ZNF311: variants seen among roughly 807,000 people sequenced by gnomAD.
ZNF311 encodes zinc finger protein 311, also known as zinc finger protein zfp31.
A neutral mutation model predicts 22.7 loss-of-function variants in ZNF311; 14 were observed. That is an observed-to-expected ratio of 0.62 (90% CI 0.41 to 0.96). The LOEUF (loss-of-function observed/expected upper bound fraction) is 0.96, where lower values mean the gene tolerates loss of function less well. Ranked by LOEUF, ZNF311 falls within the 40% of genes least tolerant of loss-of-function variation. The pLI is 0.00. For missense variants in ZNF311, 731 were observed against 799.0 expected, an observed-to-expected ratio of 0.91 and a Z score of 1.03; for synonymous variants, 250 against 275.3, an observed-to-expected ratio of 0.91 and a Z score of 0.91.
In ZNF311 at chr6:28,995,286, C is replaced by G. The variant is rs1779318499; in HGVS notation, c.1716G>C (p.Gln572His). 1 of 1,613,742 alleles carries G rather than the reference C, an allele frequency of 6.2e-7. No individual in the cohort carries two copies. The highest frequency in any genetic ancestry group is 8.5e-7 in the Non-Finnish European group (1 of 1,180,004). The change falls in exon 7 of 7, where the codon CAG (glutamine) becomes CAC (histidine). Residue 572 changes from glutamine to histidine, a missense_variant. Physicochemically the swap from Gln to His is conservative, Grantham distance 24 (BLOSUM62 0). Transcript: ENST00000377179. This position sits in a 1 kb window ranked among gnomAD's most constrained non-coding sequence, Gnocchi z 4.7. ...MAFHHSSVLR[Q>H]HKRIHTGEKP... ...TCTCACCAGTGTGGATTCTTTTGTGCTGCCTCAGGACTGAACTATGATGGA... is the reference window on the plus strand; with the variant it reads ...TCTCACCAGTGTGGATTCTTTTGTGGTGCCTCAGGACTGAACTATGATGGA...
chr6:29,000,206 T>A (rs909881527), intron 3 of ZNF311, among the ~76,000 whole-genome samples, 159 bp from the exon 4 acceptor site: 2 of 152,154 alleles, frequency 1.3e-5, no homozygotes, highest in African/African-American at 4.8e-5. Flanking sequence ...ATTTTTCTAG[T>A]CTCAACTTCC....
chr6:29,002,779 C>T (rs1025988036), intron 3 of ZNF311, among the ~76,000 whole-genome samples: 2 of 152,170 alleles, frequency 1.3e-5, no homozygotes, highest in African/African-American at 2.4e-5. Flanking sequence ...TTACACCACA[C>T]CTGGCTAATT....
chr6:29,003,890 G>A, intron 2 of ZNF311, 56 bp downstream of exon 2: 1 of 1,612,680 alleles, frequency 6.2e-7, no homozygotes, highest in Non-Finnish European at 8.5e-7. Flanking sequence ...CTTCTTTCTT[G>A]GACTCACTTC....
At position 28,995,003 on chromosome 6, in the gene ZNF311, A is replaced by T; in HGVS notation, c.1999T>A (p.Ter667ArgextTer2). 1 of 1,600,394 alleles carries T rather than the reference A, an allele frequency of 6.2e-7. No homozygotes were observed. The highest frequency in any genetic ancestry group is 1.7e-4 in the Middle Eastern group (1 of 5,970). The change falls in exon 7 of 7, where the codon TGA (stop) becomes AGA (arginine). Residue 667 changes from the stop codon to arginine (R), a stop_lost. Coordinates refer to ENST00000377179, the MANE Select transcript of ZNF311 (RefSeq NM_001382360.1). The surrounding 1 kb of genome is among the most constrained non-coding windows in gnomAD (Gnocchi z 4.7). ...AAGTAACACCAGAATCGTTATACTC[A>T]GGCACTGGTCAAAATACTGACTACT... Reference protein sequence around the residue: ...TSVVSILTSA* With the variant: ...TSVVSILTSAR
At chr6:28,999,872 C>T (rs556041821) in intron 4 of ZNF311, 84 bp downstream of exon 4, 2 of 1,434,394 alleles carry the variant, frequency 1.4e-6, no homozygotes, top group East Asian at 4.8e-5. Context: ...AGGAGTTGCA[C>T]AGCCAGAGAA....
chr6:29,004,943 T>C (rs1780988941), intron 1 of ZNF311, 65 bp downstream of exon 1: 1 of 152,142 alleles, frequency 6.6e-6, no homozygotes. Flanking sequence ...CCCAAGGAGG[T>C]CTACTCTGAG....
intron 1 of ZNF311, among the ~76,000 whole-genome samples, 154 bp downstream of exon 1, chr6:29,004,854 T>C (rs1228990754): frequency 6.6e-6 from 1 of 152,134 alleles, no homozygotes; most frequent in African/African-American, 2.4e-5. Flanking sequence ...GGCCTTTCCA[T>C]TGGCTGCTCC....
Position 28,994,880 on chromosome 6 carries a change from G to A in ZNF311, c.*121C>T. 4.4e-6 allele frequency: 5 copies of A among 1,149,108 alleles called. No individual in the cohort carries two copies. The highest frequency in any genetic ancestry group is 5.9e-6 in the Non-Finnish European group (5 of 842,294). 71.2% of individuals were successfully genotyped at this position (1,149,108 alleles called of 1,614,324 possible). On this transcript the variant is annotated 3_prime_UTR_variant, in exon 7 of 7. Transcript: ENST00000377179. ...AAAAATAGTGAATAAGAAGGTAAAG[G>A]ACAATGTCTTTGGGGAATCTCACAA...
rs757502622 is a variant in ZNF311, at chr6:28,995,594, G to A, written c.1408C>T (p.Arg470Cys). The change falls in exon 7 of 7, where the codon CGT (arginine) becomes TGT (cysteine). Residue 470 changes from arginine to cysteine, a missense_variant. Arg to Cys is a radical substitution (Grantham distance 180). Transcript: ENST00000377179. The surrounding 1 kb of genome is among the most constrained non-coding windows in gnomAD (Gnocchi z 4.7). Reference sequence around the variant, plus strand: ...TTCCCACACTCCTCACACCTGTAACGTTTCTCTTCAGTGTGGATCCTTCTG... The same window carrying A: ...TTCCCACACTCCTCACACCTGTAACATTTCTCTTCAGTGTGGATCCTTCTG... ...KHRRIHTEEK[R>C]YRCEECGKAF... is the part of the protein sequence containing the mutation. 3.7e-6 allele frequency: 6 copies of A among 1,613,638 alleles called. No homozygotes were observed. Among genetic ancestry groups the A allele is most frequent in the South Asian group, 1.1e-5 (1 of 91,082 alleles).
intron 2 of ZNF311, 122 bp from the exon 3 acceptor site, chr6:29,003,716 G>A (rs1263276438): frequency 1.4e-6 from 2 of 1,423,612 alleles, no homozygotes; most frequent in Middle Eastern, 2.0e-4. Flanking sequence ...CAAAAGAAGG[G>A]AGAAAATAAT....
At chr6:28,999,298 A>T (rs543584095) in intron 5 of ZNF311, among the ~76,000 whole-genome samples, 189 bp downstream of exon 5, 1 of 152,242 alleles carries the variant, frequency 6.6e-6, no homozygotes, top group East Asian at 1.9e-4. Flanking sequence ...AGAAAACAGC[A>T]ACTAGGTTAG....
chr6:29,002,688 T>G (rs1218974692), intron 3 of ZNF311, among the ~76,000 whole-genome samples: 1 of 151,132 alleles, frequency 6.6e-6, no homozygotes, highest in African/African-American at 2.4e-5. Context: ...TGGCATGATC[T>G]CAGCTCACTG....
intron 3 of ZNF311, 44 bp downstream of exon 3, chr6:29,003,469 T>C: frequency 3.1e-6 from 5 of 1,593,364 alleles, no homozygotes; most frequent in Non-Finnish European, 4.3e-6. Flanking sequence ...CTTACTACAT[T>C]CTCAGCTGCC....
At position 28,995,057 on chromosome 6, in the gene ZNF311, G is replaced by C; in HGVS notation, c.1945C>G (p.Leu649Val). Residue 649 changes from leucine to valine, a missense_variant, in exon 7 of 7, where the codon CTC (leucine) becomes GTC (valine). Physicochemically the swap from Leu to Val is conservative, Grantham distance 32. Transcript: ENST00000377179. The surrounding 1 kb of genome is among the most constrained non-coding windows in gnomAD (Gnocchi z 4.7). ...GTCTGAGAAACAGTCACTGGAGAGA[G>C]GGATTTCCTACTCCCATCAAGTTCA... ...THELDGSRKS[L>V]SPVTVSQTSV... 5.6e-6 allele frequency: 9 copies of C among 1,613,378 alleles called. No individual in the cohort carries two copies. Among genetic ancestry groups the C allele is most frequent in the Non-Finnish European group, 7.6e-6 (9 of 1,179,992 alleles).
At chr6:29,000,121 C>T (rs1290505729) in intron 3 of ZNF311, 74 bp from the exon 4 acceptor site, 2 of 1,398,106 alleles carry the variant, frequency 1.4e-6, no homozygotes, top group African/African-American at 2.8e-5. Flanking sequence ...GTCTTCTCTT[C>T]CTCAAATGTA....
chr6:28,997,800 A>G (rs1779834341), intron 6 of ZNF311, among the ~76,000 whole-genome samples: 1 of 152,214 alleles, frequency 6.6e-6, no homozygotes, highest in South Asian at 2.1e-4. Flanking sequence ...TGGGAGGATG[A>G]CTTCACTTCT....
In ZNF311 at chr6:29,003,529, C is replaced by G. The variant is rs1705722890; in HGVS notation, c.75G>C (p.Gln25His). 1.2e-6 allele frequency: 2 copies of G among 1,612,956 alleles called. No individual in the cohort carries two copies. The highest frequency in any genetic ancestry group is 1.7e-5 in the Admixed American group (1 of 60,004). The change falls in exon 3 of 7, where the codon CAG becomes CAC. Residue 25 changes from glutamine (Q) to histidine (H), a missense_variant. Gln to His is a conservative substitution (Grantham distance 24). Transcript: ENST00000377179. ...GTATCTCACCGCTTTCCTGAGGGAG[C>G]TGGGTATCCTGGCGGGTCCAAAGCA... ...SQLLWTRQDT[Q>H]LPQESALLPA...
rs773144712 is a variant in ZNF311 at position 28,996,371 on chromosome 6, C to T, written c.631G>A (p.Glu211Lys). Residue 211 changes from glutamate (E) to lysine (K), a missense_variant, in exon 7 of 7, where the codon GAG (glutamate) becomes AAG (lysine). Physicochemically the swap from Glu to Lys is moderately conservative, Grantham distance 56 (BLOSUM62 1). Transcript: ENST00000377179. Reference protein sequence around the residue: ...EKLREEKEGSEEVTCKKGKNQ... With the variant: ...EKLREEKEGSKEVTCKKGKNQ... ...TTTCCTTTTTTGCAGGTCACTTCCT[C>T]AGAGCCTTCTTTCTCTTCTCTCAGT... The T allele has an allele frequency of 1.9e-6, 3 of 1,611,694 alleles. No individual in the cohort carries two copies. The highest frequency in any genetic ancestry group is 2.2e-5 in the South Asian group (2 of 91,010).
intron 3 of ZNF311, among the ~76,000 whole-genome samples, chr6:29,002,362 AT>A (rs1328756041): frequency 6.6e-6 from 1 of 152,168 alleles, no homozygotes; most frequent in Non-Finnish European, 1.5e-5. Flanking sequence ...TTCTAAATCT[AT>A]AAAAAATTTA....
Sources: allele counts gnomAD v4.1 joint callset (sites outside exome capture counted in the v4.1 genomes callset), GRCh38; gene constraint gnomAD v4.1.1; non-coding constraint Gnocchi (gnomAD v3.1); transcripts MANE v1.5; gene names NCBI Gene and HGNC (gene_info 2026-07-23, HGNC 2026-07-21).